Variants in ENOPH1 observed in about 807,000 individuals in gnomAD.
The protein encoded by ENOPH1 is enolase-phosphatase 1, also known as enolase-phosphatase E1.
In ENOPH1, 14 loss-of-function variants were observed where a neutral mutation model predicts 31.1. That is an observed-to-expected ratio of 0.45 (90% CI 0.30 to 0.70). ENOPH1 has a LOEUF of 0.70. Among genes scored for constraint, ENOPH1 ranks in the 30% least tolerant of loss-of-function variants. The probability of loss-of-function intolerance (pLI) is 0.09; values close to 1 mark genes in which losing one functional copy is unlikely to be tolerated. For synonymous variants in ENOPH1, 127 were observed against 123.2 expected, an observed-to-expected ratio of 1.03 and a Z score of -0.21; for missense variants, 243 against 321.5, an observed-to-expected ratio of 0.76 and a Z score of 1.87.
chr4:82,456,937 C>T lies in ENOPH1; in HGVS notation c.545C>T (p.Thr182Ile). 6.2e-7 allele frequency: 1 copy of T among 1,613,910 alleles called. No individual in the cohort carries two copies. The highest frequency in any genetic ancestry group is 8.5e-7 in the Non-Finnish European group (1 of 1,179,908). ...CAGCTTGTTGATGGTCACTTTGATA[C>T]CAAGATTGGACACAAAGTAGAGAGT... Reference protein sequence around the residue: ...ILELVDGHFDTKIGHKVESES... With the variant: ...ILELVDGHFDIKIGHKVESES... The change falls in exon 5 of 6, where the codon ACC (threonine) becomes ATC (isoleucine). Residue 182 changes from threonine (T) to isoleucine (I), a missense_variant. Coordinates refer to ENST00000273920, the MANE Select transcript of ENOPH1 (RefSeq NM_021204.5).
chr4:82,451,765 C>T (rs1175622938), intron 3 of ENOPH1, among the ~76,000 whole-genome samples: 4 of 152,108 alleles, frequency 2.6e-5, no homozygotes, highest in African/African-American at 9.7e-5. Flanking sequence ...CCTGAGGAGA[C>T]TTTTGAGTAT....
At chr4:82,455,345 G>A (rs1305126565) in intron 4 of ENOPH1, among the ~76,000 whole-genome samples, 2 of 152,162 alleles carry the variant, frequency 1.3e-5, no homozygotes, top group African/African-American at 4.8e-5. Flanking sequence ...ATCAGTGAAA[G>A]AAGTGACTAC....
chr4:82,452,955 GCAGTGGCGTGATCT>G (rs1376866941), intron 3 of ENOPH1, among the ~76,000 whole-genome samples: 13 of 147,422 alleles, frequency 8.8e-5, no homozygotes, highest in Non-Finnish European at 1.6e-4. Flanking sequence ...AGGCTGGAGT[GCAGTGGCGTGATCT>G]CAGCTCGCTG....
At position 82,430,771 on chromosome 4, in the gene ENOPH1, C is replaced by T. The variant is rs181320957; in HGVS notation, c.-59C>T. 28 of 1,537,964 alleles carry T rather than the reference C, an allele frequency of 1.8e-5. No homozygotes were observed. Among genetic ancestry groups the T allele is most frequent in the South Asian group, 1.0e-4 (9 of 89,358 alleles). On this transcript the variant is annotated 5_prime_UTR_variant, in exon 1 of 6. Transcript: ENST00000273920. ...CGGTACCGGGGGCCGCAGCCGCAGC[C>T]GGCGCCGCCCTCCGCCCTCCCCAAC...
intron 5 of ENOPH1, among the ~76,000 whole-genome samples, chr4:82,459,622 C>T (rs1722587643): frequency 6.6e-6 from 1 of 152,000 alleles, no homozygotes; most frequent in Non-Finnish European, 1.5e-5. Context: ...GGAAACAGCT[C>T]AGTTCTCGGT....
intron 1 of ENOPH1, among the ~76,000 whole-genome samples, chr4:82,436,720 A>G (rs1386622515): frequency 1.3e-5 from 2 of 149,670 alleles, no homozygotes; most frequent in African/African-American, 4.9e-5. Flanking sequence ...GATAGAAAGC[A>G]CCTCTGGCCT....
chr4:82,455,799 T>C (rs893446303), intron 4 of ENOPH1, among the ~76,000 whole-genome samples: 1 of 151,126 alleles, frequency 6.6e-6, no homozygotes, highest in African/African-American at 2.4e-5. Context: ...AAAAAAAAAA[T>C]TTACTTATTT....
At chr4:82,450,870 C>A (rs1401186119) in intron 2 of ENOPH1, among the ~76,000 whole-genome samples, 173 bp from the exon 3 acceptor site, 2 of 152,062 alleles carry the variant, frequency 1.3e-5, no homozygotes, top group Admixed American at 1.3e-4. Context: ...TTTATTAATC[C>A]AGGTTCTTTT....
rs145338480 is a variant in ENOPH1, at chr4:82,456,780, A to C, written c.523-135A>C. 1.8e-4 allele frequency: 201 copies of C among 1,087,490 alleles called. 1 individual carries two copies. Among genetic ancestry groups the C allele is most frequent in the Non-Finnish European group, 2.5e-4 (192 of 770,726 alleles). 67.4% of individuals were successfully genotyped at this position (1,087,490 alleles called of 1,614,324 possible). ...ATTTTTACTTTGTATAGCCTCCATA[A>C]AGTTCCCTATTAAGTAGATTTTCAG... On this transcript the variant is annotated intron_variant, in intron 4 of 5. Coordinates refer to ENST00000273920, the MANE Select transcript of ENOPH1 (RefSeq NM_021204.5).
chr4:82,453,123 G>A (rs561809994), intron 3 of ENOPH1, among the ~76,000 whole-genome samples: 379 of 152,016 alleles, frequency 2.5e-3, no homozygotes, highest in African/African-American at 8.8e-3. Context: ...GGATGCTCTC[G>A]ATCTCCTGAC....
At position 82,460,024 on chromosome 4, in the gene ENOPH1, G is replaced by C; in HGVS notation, c.690G>C (p.Val230=). The change falls in exon 6 of 6, where the codon GTG becomes GTC. Residue 230 remains valine (V), a synonymous_variant. Coordinates refer to ENST00000273920, the MANE Select transcript of ENOPH1 (RefSeq NM_021204.5). ...AAGCAGATGTGCACGTAGCTGTGGTGGTGAGACCAGGCAACGCAGGATTAA... is the reference window on the plus strand; with the variant it reads ...AAGCAGATGTGCACGTAGCTGTGGTCGTGAGACCAGGCAACGCAGGATTAA... The part of the protein sequence containing the change: ...AEEADVHVAV[V]VRPGNAGLTD... 6.2e-7 allele frequency: 1 copy of C among 1,614,084 alleles called. No homozygotes were observed. The highest frequency in any genetic ancestry group is 1.3e-5 in the African/African-American group (1 of 75,046).
intron 1 of ENOPH1, among the ~76,000 whole-genome samples, chr4:82,446,689 CTTTTTTTTTTTT>C (rs1175624219): frequency 1.5e-5 from 1 of 67,508 alleles, no homozygotes; most frequent in Non-Finnish European, 3.1e-5. Context: ...GTGACGGAAT[CTTTTTTTTTTTT>C]TTTTTTTTTT....
At chr4:82,453,475 G>A (rs1722406918) in intron 3 of ENOPH1, among the ~76,000 whole-genome samples, 1 of 152,110 alleles carries the variant, frequency 6.6e-6, no homozygotes, top group African/African-American at 2.4e-5. Flanking sequence ...ACTTCTCTTG[G>A]TCTTGGTTCC....
chr4:82,451,292 A>G (rs1291397339), intron 3 of ENOPH1, 47 bp downstream of exon 3: 5 of 1,580,932 alleles, frequency 3.2e-6, no homozygotes, highest in Non-Finnish European at 4.3e-6. Flanking sequence ...CCAAATCCAA[A>G]TATGTTTTTT....
chr4:82,456,775 C>G, intron 4 of ENOPH1, 140 bp from the exon 5 acceptor site: 1 of 998,324 alleles, frequency 1.0e-6, no homozygotes, highest in Non-Finnish European at 1.4e-6. Context: ...TGTATAGCCT[C>G]CATAAAGTTC....
chr4:82,458,724 C>G (rs1722564089), intron 5 of ENOPH1, among the ~76,000 whole-genome samples: 1 of 152,144 alleles, frequency 6.6e-6, no homozygotes, highest in African/African-American at 2.4e-5. Context: ...GGTTGCCAGT[C>G]ACGATGAAAA....
intron 1 of ENOPH1, among the ~76,000 whole-genome samples, chr4:82,440,121 G>A (rs867014858): frequency 1.3e-5 from 2 of 152,168 alleles, no homozygotes; most frequent in African/African-American, 2.4e-5. Flanking sequence ...ACAAAGGAGT[G>A]ATTATAGATA....
In ENOPH1 at chr4:82,456,959, G is replaced by C. The variant is rs1219757980; in HGVS notation, c.567G>C (p.Glu189Asp). 1 of 1,614,108 alleles carries C rather than the reference G, an allele frequency of 6.2e-7. No homozygotes were observed. Among genetic ancestry groups the C allele is most frequent in the South Asian group, 1.1e-5 (1 of 91,076 alleles). ...HFDTKIGHKV[E>D]SESYRKIADS... ...ATACCAAGATTGGACACAAAGTAGA[G>C]AGTGAAAGTTACCGAAAGATTGCAG... The change falls in exon 5 of 6, where the codon GAG becomes GAC. Residue 189 changes from glutamate to aspartate, a missense_variant. By Grantham distance (45) the Glu-to-Asp change is conservative. Transcript: ENST00000273920.
At chr4:82,434,003 C>T (rs557936315) in intron 1 of ENOPH1, among the ~76,000 whole-genome samples, 28 of 152,232 alleles carry the variant, frequency 1.8e-4, no homozygotes, top group South Asian at 6.2e-4. Flanking sequence ...GTACTGTATA[C>T]GTGCAGTACT....
Sources: allele counts gnomAD v4.1 joint callset (sites outside exome capture counted in the v4.1 genomes callset), GRCh38; gene constraint gnomAD v4.1.1; transcripts MANE v1.5; gene names NCBI Gene and HGNC (gene_info 2026-07-23, HGNC 2026-07-21).